Variants in STK17A observed in about 807,000 individuals in gnomAD.
STK17A encodes the protein serine/threonine-protein kinase 17A.
STK17A carries 26 observed loss-of-function variants against 43.7 expected under a neutral mutation model. The observed-to-expected ratio is 0.60, with a 90% CI of 0.44 to 0.83. The LOEUF (loss-of-function observed/expected upper bound fraction) is 0.83, where lower values mean the gene tolerates loss of function less well. STK17A is among the 40% of genes least tolerant of loss of function. The pLI is 0.00. For missense variants in STK17A, 476 were observed against 511.6 expected (o/e 0.93, Z 0.67); for synonymous variants, 191 against 182.5 (o/e 1.05, Z -0.38).
intron 2 of STK17A, among the ~76,000 whole-genome samples, chr7:43,602,871 T>G (rs1201125318): frequency 1.3e-5 from 2 of 151,906 alleles, no homozygotes; most frequent in Non-Finnish European, 2.9e-5. Context: ...CAGATCATTA[T>G]TGGTCAATAT....
In STK17A at chr7:43,624,915, A is replaced by G. The variant is rs1291621974; in HGVS notation, c.*73A>G. ...ATATTATTTATGGACCTCTGGCCAA[A>G]TGGTACATGTACTGGAAGTGGATAA... On this transcript the variant is annotated 3_prime_UTR_variant, in exon 7 of 7. Coordinates refer to ENST00000319357, the MANE Select transcript of STK17A (RefSeq NM_004760.3). 3.1e-6 allele frequency: 4 copies of G among 1,298,294 alleles called. No individual in the cohort carries two copies. The highest frequency in any genetic ancestry group is 3.0e-5 in the African/African-American group (2 of 66,808). The allele number at this position is 1,298,294 out of a possible 1,614,324, so 80.4% of individuals were successfully genotyped here.
intron 2 of STK17A, among the ~76,000 whole-genome samples, chr7:43,596,867 C>CAA (rs34131847): frequency 1.0e-4 from 11 of 106,562 alleles, no homozygotes; most frequent in Non-Finnish European, 1.1e-4. Flanking sequence ...GACTCCATCT[C>CAA]AAAAAAAAAA....
At chr7:43,595,821 G>T in intron 1 of STK17A, 80 bp from the exon 2 acceptor site, 6 of 1,332,610 alleles carry the variant, frequency 4.5e-6, no homozygotes, top group Non-Finnish European at 6.3e-6. Context: ...TCTACCAATG[G>T]GTATTTGGAA....
chr7:43,592,999 G>A (rs755606813), intron 1 of STK17A, among the ~76,000 whole-genome samples: 5 of 152,242 alleles, frequency 3.3e-5, no homozygotes, highest in African/African-American at 9.6e-5. Flanking sequence ...TCATGGTGAA[G>A]TCTGGGCTTT....
intron 1 of STK17A, among the ~76,000 whole-genome samples, chr7:43,592,876 AC>A (rs2082489334): frequency 1.3e-5 from 2 of 152,088 alleles, no homozygotes; most frequent in African/African-American, 4.8e-5. Context: ...AAAAACAACA[AC>A]AAAAAAGAAT....
intron 4 of STK17A, among the ~76,000 whole-genome samples, chr7:43,620,129 G>A (rs993292346): frequency 2.6e-5 from 4 of 152,168 alleles, no homozygotes; most frequent in Admixed American, 1.3e-4. Flanking sequence ...AGCAGAGAGG[G>A]CATTTGGTTG....
At chr7:43,583,546 T>G in intron 1 of STK17A, 97 bp downstream of exon 1, 1 of 1,043,982 alleles carries the variant, frequency 9.6e-7, no homozygotes, top group Non-Finnish European at 1.2e-6. Context: ...GAGGCTGAAG[T>G]GGCGTTGCTG....
chr7:43,594,119 A>C (rs1468466803), intron 1 of STK17A, among the ~76,000 whole-genome samples: 1 of 152,182 alleles, frequency 6.6e-6, no homozygotes, highest in Non-Finnish European at 1.5e-5. Context: ...GGAGGTGGGC[A>C]TGGTGGCATG....
intron 3 of STK17A, among the ~76,000 whole-genome samples, chr7:43,611,831 A>G (rs2082905572): frequency 6.6e-6 from 1 of 152,170 alleles, no homozygotes; most frequent in Non-Finnish European, 1.5e-5. Context: ...CCAGGAAGAG[A>G]ACCCCAATTT....
rs1187166110 is a variant in STK17A at position 43,626,172 on chromosome 7, A to G, written c.*1330A>G. On this transcript the variant is annotated 3_prime_UTR_variant, in exon 7 of 7. Transcript: ENST00000319357. ...CATGCCTCGCTCTGCACTATGAACA[A>G]CTCAGACCTGTCCCTTCACGGTCTG... 6.6e-6 allele frequency: 1 copy of G among 152,162 alleles called. No individual in the cohort carries two copies. Among genetic ancestry groups the G allele is most frequent in the Non-Finnish European group, 1.5e-5 (1 of 68,032 alleles). 9.4% of individuals were successfully genotyped at this position (152,162 alleles called of 1,614,324 possible).
intron 2 of STK17A, among the ~76,000 whole-genome samples, chr7:43,605,763 C>G (rs1261885321): frequency 6.6e-6 from 1 of 151,958 alleles, no homozygotes; most frequent in Non-Finnish European, 1.5e-5. Context: ...TGGTCCTATA[C>G]CTGTTGTTCT....
At chr7:43,611,143 G>A (rs1263702853) in intron 3 of STK17A, among the ~76,000 whole-genome samples, 1 of 152,192 alleles carries the variant, frequency 6.6e-6, no homozygotes, top group Non-Finnish European at 1.5e-5. Flanking sequence ...GATACAGTGT[G>A]TATAATCTGG....
At chr7:43,591,454 C>G (rs994795623) in intron 1 of STK17A, among the ~76,000 whole-genome samples, 1 of 151,514 alleles carries the variant, frequency 6.6e-6, no homozygotes, top group Non-Finnish European at 1.5e-5. Context: ...CTCTGGTCCA[C>G]AAAGCCAAAA....
At chr7:43,603,752 C>T (rs138724543) in intron 2 of STK17A, among the ~76,000 whole-genome samples, 62 of 152,318 alleles carry the variant, frequency 4.1e-4, no homozygotes, top group African/African-American at 1.4e-3. Flanking sequence ...TGTGATTCCA[C>T]GTGGTGGCGG....
At chr7:43,613,739 G>A (rs915956965) in intron 3 of STK17A, among the ~76,000 whole-genome samples, 1 of 152,156 alleles carries the variant, frequency 6.6e-6, no homozygotes, top group African/African-American at 2.4e-5. Flanking sequence ...AGCTACAGAG[G>A]AAGCTGAGGT....
At position 43,619,605 on chromosome 7, in the gene STK17A, T is replaced by A; in HGVS notation, c.573T>A (p.Asn191Lys). Reference sequence around the variant, plus strand: ...GGTGTATTTTCTTTTAGCCTCAGAATATTCTGTTGACAAGTGAATCTCCAT... The same window carrying A: ...GGTGTATTTTCTTTTAGCCTCAGAAAATTCTGTTGACAAGTGAATCTCCAT... ...DVVHLDLKPQ[N>K]ILLTSESPLG... Residue 191 changes from asparagine (N) to lysine (K), a missense_variant, in exon 4 of 7, where the codon AAT (asparagine) becomes AAA (lysine). Physicochemically the swap from Asn to Lys is moderately conservative, Grantham distance 94 (BLOSUM62 0). Around this residue, in one of 3 missense-constraint regions of STK17A, gnomAD observed 320 missense variants for 326.3 expected, o/e 0.98. Transcript: ENST00000319357. The A allele has an allele frequency of 6.2e-7, 1 of 1,613,554 alleles. No individual in the cohort carries two copies. The highest frequency in any genetic ancestry group is 8.5e-7 in the Non-Finnish European group (1 of 1,179,834).
chr7:43,587,185 C>T (rs1452777733), intron 1 of STK17A, among the ~76,000 whole-genome samples: 1 of 120,890 alleles, frequency 8.3e-6, no homozygotes, highest in Non-Finnish European at 1.7e-5. Context: ...GATGGAGTCT[C>T]GCTCTGTCGC....
At chr7:43,600,693 G>GT (rs746320793) in intron 2 of STK17A, among the ~76,000 whole-genome samples, 1 of 152,134 alleles carries the variant, frequency 6.6e-6, no homozygotes, top group Non-Finnish European at 1.5e-5. Context: ...TCTGAAGTAT[G>GT]TATCAAAAGC....
intron 1 of STK17A, among the ~76,000 whole-genome samples, chr7:43,593,249 T>C (rs1415963866): frequency 6.6e-6 from 1 of 152,250 alleles, no homozygotes; most frequent in African/African-American, 2.4e-5. Context: ...TTTATGGCTG[T>C]GTAGTAGTCC....
Sources: gnomAD v4.1 joint callset for allele counts (sites outside exome capture counted in the v4.1 genomes callset) on GRCh38, gnomAD v4.1.1 for gene constraint, gnomAD v4.1.1 regional missense constraint, MANE v1.5 for transcripts, NCBI Gene and HGNC (gene_info 2026-07-23, HGNC 2026-07-21) for gene names.